Variants in CTNNA2 observed in about 807,000 individuals in gnomAD.
CTNNA2 encodes the protein catenin alpha 2.
Under a neutral mutation model 101.0 loss-of-function variants are expected in CTNNA2, and 42 were observed. The ratio of observed to expected loss-of-function variants is 0.42; its 90% CI spans 0.32 to 0.54. CTNNA2 has a LOEUF of 0.54. Ranked by LOEUF, CTNNA2 falls within the 20% of genes least tolerant of loss-of-function variation. The probability of loss-of-function intolerance (pLI) is 0.14; values close to 1 mark genes in which losing one functional copy is unlikely to be tolerated. For missense variants in CTNNA2, 871 were observed against 1,223.1 expected, an observed-to-expected ratio of 0.71 and a Z score of 4.29; for synonymous variants, 450 against 456.4, an observed-to-expected ratio of 0.99 and a Z score of 0.18.
rs554686133 is a variant in CTNNA2 at position 79,981,767 on chromosome 2, A to T, written c.1056+71970A>T. ...AACTTGCCCATTATTTATTTCGTAA[A>T]TTTTTTATGTTCAGATTTTTAAGTG... On this transcript the variant is annotated intron_variant, in intron 7 of 18. Coordinates refer to ENST00000402739, the MANE Select transcript of CTNNA2 (RefSeq NM_001282597.3). 2.0e-5 allele frequency among the ~76,000 whole-genome samples: 3 copies of T among 152,232 alleles called. No individual in the cohort carries two copies. The East Asian group carries it at 5.8e-4, about 29-fold the overall frequency.
At chr2:80,009,868 A>G (rs1428017873) in intron 7 of CTNNA2, among the ~76,000 whole-genome samples, 4 of 152,090 alleles carry the variant, frequency 2.6e-5, no homozygotes, top group African/African-American at 9.7e-5. Flanking sequence ...ACATTTTATA[A>G]AAGAGATTAT....
intron 7 of CTNNA2, among the ~76,000 whole-genome samples, chr2:80,343,133 C>T (rs1347909374): frequency 6.6e-6 from 1 of 152,124 alleles, no homozygotes; most frequent in Non-Finnish European, 1.5e-5. Flanking sequence ...TCTGCAAAGA[C>T]ACTATTTTCA....
At chr2:80,535,509 A>G (rs1349640814) in intron 9 of CTNNA2, among the ~76,000 whole-genome samples, 3 of 152,186 alleles carry the variant, frequency 2.0e-5, no homozygotes, top group Non-Finnish European at 4.4e-5. Context: ...AGGCTCAGAG[A>G]TGCAACACGT....
chr2:79,949,044 A>G (rs917596467), intron 7 of CTNNA2, among the ~76,000 whole-genome samples: 1 of 152,202 alleles, frequency 6.6e-6, no homozygotes, highest in Admixed American at 6.5e-5. Flanking sequence ...GATAATCCCT[A>G]TCATATTGTT....
chr2:80,372,395 T>C (rs1328989498), intron 7 of CTNNA2, among the ~76,000 whole-genome samples: 1 of 149,892 alleles, frequency 6.7e-6, no homozygotes, highest in Non-Finnish European at 1.5e-5. Flanking sequence ...AGCTGTTGGC[T>C]ACTTTAGCCC....
At chr2:79,278,037 T>C (rs1361340599) in intron 2 of CTNNA2, among the ~76,000 whole-genome samples, 1 of 152,128 alleles carries the variant, frequency 6.6e-6, no homozygotes, top group African/African-American at 2.4e-5. Context: ...TTCTACAGCA[T>C]ACTTAAGGGT....
intron 18 of CTNNA2, among the ~76,000 whole-genome samples, chr2:80,633,862 G>C (rs1370889100): frequency 6.6e-6 from 1 of 152,162 alleles, no homozygotes; most frequent in African/African-American, 2.4e-5. Flanking sequence ...TTTGAGCAAA[G>C]ACTGATCTTG....
chr2:79,324,722 C>T (rs1355684020), intron 3 of CTNNA2, among the ~76,000 whole-genome samples: 3 of 146,518 alleles, frequency 2.0e-5, no homozygotes, highest in Non-Finnish European at 4.5e-5. Flanking sequence ...GCACACACAC[C>T]CACTACACAC....
chr2:80,380,065 C>T (rs1450619148), intron 7 of CTNNA2, among the ~76,000 whole-genome samples: 7 of 119,152 alleles, frequency 5.9e-5, no homozygotes, highest in Non-Finnish European at 1.1e-4. Flanking sequence ...GAGACGGAGT[C>T]TCACTCTGTC....
At chr2:79,286,272 T>G (rs1675577120) in intron 2 of CTNNA2, among the ~76,000 whole-genome samples, 1 of 152,184 alleles carries the variant, frequency 6.6e-6, no homozygotes, top group Non-Finnish European at 1.5e-5. Flanking sequence ...TTAATATTGT[T>G]ATGTGTGAAT....
chr2:79,596,629 A>G (rs868624423), intron 1 of CTNNA2, among the ~76,000 whole-genome samples: 1 of 152,156 alleles, frequency 6.6e-6, no homozygotes, highest in Admixed American at 6.5e-5. Flanking sequence ...GAAAGGTGAG[A>G]GCTTTCTGCA....
At chr2:79,344,365 G>A (rs1234419407) in intron 3 of CTNNA2, among the ~76,000 whole-genome samples, 1 of 152,116 alleles carries the variant, frequency 6.6e-6, no homozygotes, top group Non-Finnish European at 1.5e-5. Context: ...TCCAATGGTT[G>A]GCATTTTCCA....
chr2:80,126,517 C>T (rs1702116697), intron 7 of CTNNA2, among the ~76,000 whole-genome samples: 1 of 151,686 alleles, frequency 6.6e-6, no homozygotes, highest in Non-Finnish European at 1.5e-5. Context: ...CTCCCAATCC[C>T]CTTTATTTCT....
At chr2:79,412,005 C>T (rs1678418622) in intron 4 of CTNNA2, among the ~76,000 whole-genome samples, 1 of 152,006 alleles carries the variant, frequency 6.6e-6, no homozygotes, top group Non-Finnish European at 1.5e-5. Context: ...AAACCCATCT[C>T]ACATGCAAGA....
At chr2:80,145,800 G>T (rs769136997) in intron 7 of CTNNA2, among the ~76,000 whole-genome samples, 2 of 152,168 alleles carry the variant, frequency 1.3e-5, no homozygotes, top group Admixed American at 6.5e-5. Flanking sequence ...TACAGAAAAG[G>T]TTTCATTTTT....
intron 15 of CTNNA2, among the ~76,000 whole-genome samples, chr2:80,598,643 T>A (rs539906770): frequency 6.6e-6 from 1 of 152,000 alleles, no homozygotes; most frequent in African/African-American, 2.4e-5. Flanking sequence ...ATGTCCTTCA[T>A]TGGGCAAATG....
At chr2:79,827,389 C>T (rs1173931194) in intron 3 of CTNNA2, among the ~76,000 whole-genome samples, 2 of 152,114 alleles carry the variant, frequency 1.3e-5, no homozygotes, top group East Asian at 3.9e-4. Flanking sequence ...TAAGCATAAG[C>T]TGAAAGTTGA....
At chr2:79,826,489 T>A (rs1678448040) in intron 3 of CTNNA2, among the ~76,000 whole-genome samples, 2 of 152,182 alleles carry the variant, frequency 1.3e-5, no homozygotes, top group Admixed American at 1.3e-4. Flanking sequence ...TAAATGCAAT[T>A]TGGCCTCAAC....
intron 4 of CTNNA2, among the ~76,000 whole-genome samples, chr2:79,398,479 A>G (rs550072017): frequency 2.0e-5 from 3 of 152,256 alleles, no homozygotes; most frequent in East Asian, 1.9e-4. Flanking sequence ...TTGGGTCCCA[A>G]GAGTTTCCAT....
Sources: allele counts gnomAD v4.1 joint callset (sites outside exome capture counted in the v4.1 genomes callset), GRCh38; gene constraint gnomAD v4.1.1; transcripts MANE v1.5; gene names NCBI Gene and HGNC (gene_info 2026-07-23, HGNC 2026-07-21).